The following STPG2 variants were observed in gnomAD, a reference collection of about 807,000 sequenced individuals.
STPG2 encodes the protein sperm-tail PG-rich repeat-containing protein 2.
Under a neutral mutation model 54.2 loss-of-function variants are expected in STPG2, and 56 were observed. The observed-to-expected ratio is 1.03, with a 90% confidence interval of 0.83 to 1.29. STPG2 has a LOEUF of 1.29. Among genes scored for constraint, STPG2 ranks in the 50% most tolerant of loss-of-function variants. STPG2 has a pLI of 0.00. For missense variants in STPG2, 596 were observed against 544.9 expected (o/e 1.09, Z -0.93); for synonymous variants, 200 against 181.8 (o/e 1.10, Z -0.81).
At chr4:97,694,494 CG>C (rs1308283913) in intron 10 of STPG2, among the ~76,000 whole-genome samples, 1 of 151,668 alleles carries the variant, frequency 6.6e-6, no homozygotes, top group African/African-American at 2.4e-5. Flanking sequence ...TAACAAGCAG[CG>C]AGATTAAATG....
Position 97,668,256 on chromosome 4 carries a change from T to C in STPG2, c.1320+44443A>G, listed in dbSNP as rs183605310. ...GATAGGCACAGAGACAGATACCATA[T>C]TCTGGAATTAGCCAGCAGTCCTCCA... On this transcript the variant is annotated intron_variant, in intron 10 of 10. Coordinates refer to ENST00000295268, the MANE Select transcript of STPG2 (RefSeq NM_174952.3). Among the ~76,000 whole-genome samples the C allele has an allele frequency of 4.2e-3, 632 of 152,240 alleles. 9 individuals are homozygous for C. Among genetic ancestry groups the C allele is most frequent in the South Asian group, 2.3e-3 (11 of 4,816 alleles).
intron 8 of STPG2, among the ~76,000 whole-genome samples, chr4:97,866,133 G>A (rs934235942): frequency 6.6e-6 from 1 of 151,880 alleles, no homozygotes; most frequent in Non-Finnish European, 1.5e-5. Flanking sequence ...GGAATGGTTA[G>A]TGGTAAAAAT....
At chr4:98,043,934 C>T (rs544125630) in intron 5 of STPG2, among the ~76,000 whole-genome samples, 1 of 152,098 alleles carries the variant, frequency 6.6e-6, no homozygotes, top group South Asian at 2.1e-4. Flanking sequence ...CACCTCCACC[C>T]TCAAGTAGGC....
At chr4:98,002,367 C>T (rs1735437842) in intron 5 of STPG2, among the ~76,000 whole-genome samples, 1 of 151,884 alleles carries the variant, frequency 6.6e-6, no homozygotes, top group African/African-American at 2.4e-5. Context: ...AAACATAATA[C>T]CTAACTTCCT....
chr4:98,087,918 C>G (rs946374267), intron 5 of STPG2, among the ~76,000 whole-genome samples: 1 of 152,126 alleles, frequency 6.6e-6, no homozygotes, highest in African/African-American at 2.4e-5. Context: ...AGCCCTAATC[C>G]CTGACTCCAA....
intron 9 of STPG2, among the ~76,000 whole-genome samples, chr4:97,781,343 A>C (rs1461536829): frequency 6.6e-6 from 1 of 152,220 alleles, no homozygotes; most frequent in Non-Finnish European, 1.5e-5. Flanking sequence ...GAAATGGCTA[A>C]ATTCCTGGAC....
At chr4:97,923,323 T>C (rs1368603332) in intron 8 of STPG2, among the ~76,000 whole-genome samples, 1 of 102,602 alleles carries the variant, frequency 9.7e-6, no homozygotes, top group African/African-American at 4.0e-5. Flanking sequence ...CATGGGCTCC[T>C]GTGTGGCCCA....
At chr4:97,756,984 T>A (rs1389482055) in intron 9 of STPG2, among the ~76,000 whole-genome samples, 1 of 152,150 alleles carries the variant, frequency 6.6e-6, no homozygotes, top group Admixed American at 6.5e-5. Context: ...AAGCTACAAC[T>A]GTAGATTGTA....
At chr4:97,516,140 T>C (rs1045247120) in intron 4 of STPG2, among the ~76,000 whole-genome samples, 8 of 152,160 alleles carry the variant, frequency 5.3e-5, no homozygotes, top group African/African-American at 1.9e-4. Flanking sequence ...TCATTCACAG[T>C]GGAATAAAAT....
At chr4:97,883,070 C>T (rs1730436432) in intron 8 of STPG2, among the ~76,000 whole-genome samples, 1 of 151,816 alleles carries the variant, frequency 6.6e-6, no homozygotes, top group Non-Finnish European at 1.5e-5. Flanking sequence ...GTAATCCCCA[C>T]ACTTTGGGAG....
At chr4:97,738,487 C>A (rs1257455409) in intron 9 of STPG2, among the ~76,000 whole-genome samples, 1 of 152,122 alleles carries the variant, frequency 6.6e-6, no homozygotes, top group Non-Finnish European at 1.5e-5. Flanking sequence ...CAGAGACACA[C>A]ATAGGCTCAA....
intron 8 of STPG2, among the ~76,000 whole-genome samples, chr4:97,937,646 G>T (rs1313159700): frequency 1.3e-5 from 2 of 152,092 alleles, no homozygotes; most frequent in Non-Finnish European, 1.5e-5. Flanking sequence ...CTTCTGTAGG[G>T]CTGCTGTGGT....
At chr4:97,968,317 T>G (rs777169976) in intron 7 of STPG2, among the ~76,000 whole-genome samples, 4 of 152,002 alleles carry the variant, frequency 2.6e-5, no homozygotes, top group Non-Finnish European at 5.9e-5. Context: ...ACCAAAAAAT[T>G]TCCAGGACAA....
At chr4:97,580,366 T>C (rs368150299) in intron 10 of STPG2, among the ~76,000 whole-genome samples, 4 of 151,986 alleles carry the variant, frequency 2.6e-5, no homozygotes, top group South Asian at 4.1e-4. Context: ...GACATAAAGA[T>C]TATCTGACAG....
intron 9 of STPG2, among the ~76,000 whole-genome samples, chr4:97,828,752 C>G (rs1728344618): frequency 6.6e-6 from 1 of 152,130 alleles, no homozygotes; most frequent in African/African-American, 2.4e-5. Flanking sequence ...GCAGTTTTAT[C>G]CTCACAGTGT....
chr4:97,695,338 A>T lies in STPG2; in HGVS notation c.1320+17361T>A, dbSNP rs1723535502. Among the ~76,000 whole-genome samples, 3 of 152,192 alleles carry T rather than the reference A, an allele frequency of 2.0e-5. No homozygotes were observed. The South Asian group carries it at 6.2e-4, about 31-fold the overall frequency. On this transcript the variant is annotated intron_variant, in intron 10 of 10. Coordinates refer to ENST00000295268, the MANE Select transcript of STPG2 (RefSeq NM_174952.3). Reference sequence around the variant, plus strand: ...TCAGCAAAATCAGCATAGAAGGAACATACCTTAAGGTAATAAAAGCCATTT... The same window carrying T: ...TCAGCAAAATCAGCATAGAAGGAACTTACCTTAAGGTAATAAAAGCCATTT...
chr4:97,937,347 T>A (rs1376760567), intron 8 of STPG2, among the ~76,000 whole-genome samples: 2 of 152,092 alleles, frequency 1.3e-5, no homozygotes, highest in Non-Finnish European at 2.9e-5. Context: ...CAGCAAAGTA[T>A]GTTATTATCC....
chr4:97,631,589 G>A (rs1223531109), intron 10 of STPG2, among the ~76,000 whole-genome samples: 1 of 152,052 alleles, frequency 6.6e-6, no homozygotes, highest in Non-Finnish European at 1.5e-5. Context: ...TTTGATGAGT[G>A]ATTTGAAATT....
At chr4:97,870,421 A>G (rs577156004) in intron 8 of STPG2, among the ~76,000 whole-genome samples, 5 of 151,640 alleles carry the variant, frequency 3.3e-5, no homozygotes, top group South Asian at 2.1e-4. Flanking sequence ...ACAAAACTAC[A>G]TATATGAAAC....
Sources: allele counts gnomAD v4.1 joint callset (sites outside exome capture counted in the v4.1 genomes callset), GRCh38; gene constraint gnomAD v4.1.1; transcripts MANE v1.5; gene names NCBI Gene and HGNC (gene_info 2026-07-23, HGNC 2026-07-21).